CSMD1: variants seen among roughly 807,000 people sequenced by gnomAD.
CSMD1 encodes CUB and Sushi multiple domains 1.
Under a neutral mutation model 417.5 loss-of-function variants are expected in CSMD1, and 213 were observed. The ratio of observed to expected loss-of-function variants is 0.51; its 90% CI spans 0.46 to 0.57. CSMD1 has a LOEUF of 0.57. Ranked by LOEUF, CSMD1 falls within the 20% of genes least tolerant of loss-of-function variation. The pLI, the probability that CSMD1 is intolerant of heterozygous loss-of-function variation, is 0.00. For synonymous variants in CSMD1, 2,862 were observed against 1,736.8 expected (o/e 1.65, Z -16.11); for missense variants, 6,923 against 4,529.7 (o/e 1.53, Z -15.17).
intron 2 of CSMD1, among the ~76,000 whole-genome samples, chr8:4,501,410 G>A (rs1802252868): frequency 6.6e-6 from 1 of 152,022 alleles, no homozygotes; most frequent in Non-Finnish European, 1.5e-5. Context: ...ATAGAACGTA[G>A]AGCAAAGGGA....
chr8:3,915,178 G>C (rs1399250812), intron 5 of CSMD1, among the ~76,000 whole-genome samples: 1 of 152,066 alleles, frequency 6.6e-6, no homozygotes, highest in African/African-American at 2.4e-5. Context: ...GGCTGAGGCA[G>C]GAGGACCACC....
chr8:4,192,707 G>T (rs1799100965), intron 3 of CSMD1, among the ~76,000 whole-genome samples: 1 of 152,176 alleles, frequency 6.6e-6, no homozygotes, highest in Non-Finnish European at 1.5e-5. Context: ...TCACCAACAT[G>T]TCGGGTATGA....
intron 36 of CSMD1, among the ~76,000 whole-genome samples, chr8:3,185,950 C>G (rs2129049362): frequency 6.6e-6 from 1 of 152,076 alleles, no homozygotes; most frequent in South Asian, 2.1e-4. Flanking sequence ...TTTCCTGTCT[C>G]TCTCTGATTT....
At chr8:4,125,784 TATCAATTG>T (rs970278078) in intron 3 of CSMD1, among the ~76,000 whole-genome samples, 2 of 152,160 alleles carry the variant, frequency 1.3e-5, no homozygotes, top group Non-Finnish European at 2.9e-5. Flanking sequence ...ATAGAGCCCT[TATCAATTG>T]ATCAATTGAT....
intron 3 of CSMD1, among the ~76,000 whole-genome samples, chr8:4,246,086 T>C (rs1199329882): frequency 2.0e-5 from 3 of 152,136 alleles, no homozygotes; most frequent in Admixed American, 6.5e-5. Flanking sequence ...TAAGTAAACT[T>C]ATGTCATGGG....
At chr8:3,501,421 T>C (rs981220177) in intron 10 of CSMD1, among the ~76,000 whole-genome samples, 3 of 152,366 alleles carry the variant, frequency 2.0e-5, no homozygotes, top group Admixed American at 6.5e-5. Context: ...GAAACTGTGA[T>C]GGCAGGCAAA....
intron 10 of CSMD1, among the ~76,000 whole-genome samples, chr8:3,544,808 G>A (rs909549498): frequency 6.6e-6 from 1 of 152,082 alleles, no homozygotes. Context: ...GAAAAGATAT[G>A]AAGACAAGCA....
rs186364307 is a variant in CSMD1, at chr8:3,381,103, C to G, written c.2782+6391G>C. The stretch of plus-strand genomic sequence containing the variant: ...TCAGTTTTCATTACCAGATCAAGAG[C>G]ATACGTAATTCAATGACTGTGCTAT... On this transcript the variant is annotated intron_variant, in intron 18 of 69. Coordinates refer to ENST00000635120, the MANE Select transcript of CSMD1 (RefSeq NM_033225.6). Among the ~76,000 whole-genome samples, 7 of 152,154 alleles carry G rather than the reference C, an allele frequency of 4.6e-5. No individual in the cohort carries two copies. The East Asian group carries it at 1.4e-3, about 29-fold the overall frequency.
intron 27 of CSMD1, among the ~76,000 whole-genome samples, chr8:3,226,135 C>T (rs1201192566): frequency 6.6e-6 from 1 of 152,178 alleles, no homozygotes; most frequent in Non-Finnish European, 1.5e-5. Flanking sequence ...AAATAGACAC[C>T]TTTATGTCAG....
At chr8:3,891,499 A>T (rs567542380) in intron 5 of CSMD1, among the ~76,000 whole-genome samples, 1 of 152,198 alleles carries the variant, frequency 6.6e-6, no homozygotes, top group Admixed American at 6.5e-5. Context: ...GGACAACATA[A>T]CAAGACCCCA....
At chr8:3,321,647 G>A (rs1269284219) in intron 23 of CSMD1, among the ~76,000 whole-genome samples, 1 of 152,138 alleles carries the variant, frequency 6.6e-6, no homozygotes, top group African/African-American at 2.4e-5. Flanking sequence ...TGAAATGTAT[G>A]CATATTACTA....
chr8:4,042,375 G>C (rs943873350), intron 3 of CSMD1, among the ~76,000 whole-genome samples: 3 of 152,050 alleles, frequency 2.0e-5, no homozygotes, highest in Admixed American at 6.5e-5. Context: ...ACCAAGGAGA[G>C]ATTCAGCAAC....
chr8:3,373,922 C>T (rs1810140578), intron 18 of CSMD1, among the ~76,000 whole-genome samples: 1 of 151,256 alleles, frequency 6.6e-6, no homozygotes, highest in Non-Finnish European at 1.5e-5. Context: ...GTGATATTTT[C>T]CTGGCTGAGT....
intron 3 of CSMD1, among the ~76,000 whole-genome samples, chr8:4,293,656 AACC>A (rs1380708027): frequency 1.3e-5 from 2 of 152,192 alleles, no homozygotes; most frequent in East Asian, 3.9e-4. Context: ...GTCTCTTATA[AACC>A]ACCAATAAAT....
Position 4,348,197 on chromosome 8 carries a change from C to T in CSMD1, c.415+71756G>A, listed in dbSNP as rs74536450. Reference sequence around the variant, plus strand: ...TATGATCTCTGGATATGGCATTGTGCTGGGAAAATGTATATAAGAAATTCA... The same window carrying T: ...TATGATCTCTGGATATGGCATTGTGTTGGGAAAATGTATATAAGAAATTCA... On this transcript the variant is annotated intron_variant, in intron 3 of 69. Transcript: ENST00000635120. 3.2e-3 allele frequency among the ~76,000 whole-genome samples: 482 copies of T among 152,132 alleles called. 4 individuals carry two copies. The highest frequency in any genetic ancestry group is 0.01 in the African/African-American group (422 of 41,524).
At position 3,932,800 on chromosome 8, in the gene CSMD1, G is replaced by C. The variant is rs529327547; in HGVS notation, c.818+65103C>G. On this transcript the variant is annotated intron_variant, in intron 5 of 69. Coordinates refer to ENST00000635120, the MANE Select transcript of CSMD1 (RefSeq NM_033225.6). ...TGAAGCTGAGTTTTCATTTCAATTG[G>C]AGATAAAAAGTTACTAATATATTTC... 8.0e-5 allele frequency among the ~76,000 whole-genome samples: 12 copies of C among 150,292 alleles called. No homozygotes were observed. In the South Asian group the frequency reaches 2.2e-3, roughly 27 times the overall value.
At chr8:3,605,693 C>T (rs530109922) in intron 8 of CSMD1, among the ~76,000 whole-genome samples, 1 of 152,122 alleles carries the variant, frequency 6.6e-6, no homozygotes, top group Non-Finnish European at 1.5e-5. Flanking sequence ...TAAAAATATG[C>T]TAAGACAAAG....
chr8:3,248,857 C>G (rs1051969085), intron 26 of CSMD1, among the ~76,000 whole-genome samples: 1 of 152,050 alleles, frequency 6.6e-6, no homozygotes, highest in Admixed American at 6.6e-5. Context: ...TTAAATACCA[C>G]ATTTTCAAGA....
chr8:4,198,288 A>G (rs1799453320), intron 3 of CSMD1, among the ~76,000 whole-genome samples: 1 of 152,264 alleles, frequency 6.6e-6, no homozygotes, highest in African/African-American at 2.4e-5. Flanking sequence ...GGTAAACCCC[A>G]GAGAAGTGGC....
Sources: gnomAD v4.1 joint callset for allele counts (sites outside exome capture counted in the v4.1 genomes callset) on GRCh38, gnomAD v4.1.1 for gene constraint, MANE v1.5 for transcripts, NCBI Gene and HGNC (gene_info 2026-07-23, HGNC 2026-07-21) for gene names.